HYOU1: variants seen among roughly 807,000 people sequenced by gnomAD.
The protein encoded by HYOU1 is hypoxia up-regulated protein 1.
A neutral mutation model predicts 120.5 loss-of-function variants in HYOU1; 40 were observed. The observed-to-expected ratio is 0.33, with a 90% CI of 0.26 to 0.43. The LOEUF (loss-of-function observed/expected upper bound fraction) is 0.43, where lower values mean the gene tolerates loss of function less well. Among genes scored for constraint, HYOU1 ranks in the 20% least tolerant of loss-of-function variants. The probability of loss-of-function intolerance (pLI) is 1.00; values close to 1 mark genes in which losing one functional copy is unlikely to be tolerated. For synonymous variants in HYOU1, 501 were observed against 479.4 expected (o/e 1.05, Z -0.59); for missense variants, 1,085 against 1,278.3 (o/e 0.85, Z 2.31).
chr11:119,045,084 G>A lies in HYOU1; in HGVS notation c.*509C>T, dbSNP rs867350143. ...GGGAGGCTCAGAGCAAGAGAAGCCCGCAGAGGGAGGAAAGAGCACAGATAG... is the reference window on the plus strand; with the variant it reads ...GGGAGGCTCAGAGCAAGAGAAGCCCACAGAGGGAGGAAAGAGCACAGATAG... On this transcript the variant is annotated 3_prime_UTR_variant, in exon 26 of 26. Transcript: ENST00000617285. 17 of 450,786 alleles carry A rather than the reference G, an allele frequency of 3.8e-5. No individual in the cohort carries two copies. The Middle Eastern group carries it at 1.6e-3, about 43-fold the overall frequency. The allele number at this position is 450,786 out of a possible 1,614,324, so 27.9% of individuals were successfully genotyped here.
intron 21 of HYOU1, 58 bp downstream of exon 21, chr11:119,047,889 T>A: frequency 6.2e-7 from 1 of 1,613,372 alleles, no homozygotes; most frequent in Non-Finnish European, 8.5e-7. Context: ...GGGAAGCTGG[T>A]AGGAATGAAA....
rs1001915569 is a variant in HYOU1 at position 119,044,199 on chromosome 11, A to G, written c.*1394T>C. 3 of 152,066 alleles carry G rather than the reference A, an allele frequency of 2.0e-5. No homozygotes were observed. Among genetic ancestry groups the G allele is most frequent in the African/African-American group, 7.3e-5 (3 of 41,340 alleles). 9.4% of individuals were successfully genotyped at this position (152,066 alleles called of 1,614,324 possible). A position where few individuals can be genotyped will look rare whatever the true frequency, so the allele number is the denominator to read the frequency against. ...CACAGCACAAAAACTGTAGAAAAGA[A>G]TATTTTATTGAAACAGTTTCTCAAT... On this transcript the variant is annotated 3_prime_UTR_variant, in exon 26 of 26. Coordinates refer to ENST00000617285, the MANE Select transcript of HYOU1 (RefSeq NM_006389.5).
chr11:119,048,047 G>GCTTCCTCAGCTCAGCCAGCTTCTC lies in HYOU1; in HGVS notation c.2386_2409dup (p.Glu796_Lys803dup). ...ACCCGAAAAAACAGCCCTTGGCACAGCTTCCTCAGCTCAGCCAGCTTCTCC... is the reference window on the plus strand; with the variant it reads ...ACCCGAAAAAACAGCCCTTGGCACAGCTTCCTCAGCTCAGCCAGCTTCTCCTTCCTCAGCTCAGCCAGCTTCTCC... On this transcript the variant is annotated inframe_insertion, in exon 21 of 26. Transcript: ENST00000617285. This position sits in a 1 kb window ranked among gnomAD's most constrained non-coding sequence, Gnocchi z 4.7. The GCTTCCTCAGCTCAGCCAGCTTCTC allele has an allele frequency of 6.2e-7, 1 of 1,614,212 alleles. No individual in the cohort carries two copies. Among genetic ancestry groups the GCTTCCTCAGCTCAGCCAGCTTCTC allele is most frequent in the Non-Finnish European group, 8.5e-7 (1 of 1,180,038 alleles).
rs2133591993 is a variant in HYOU1 at position 119,052,324 on chromosome 11, G to C, written c.1093C>G (p.Gln365Glu). The C allele has an allele frequency of 6.2e-7, 1 of 1,614,208 alleles. No individual in the cohort carries two copies. Among genetic ancestry groups the C allele is most frequent in the East Asian group, 2.2e-5 (1 of 44,886 alleles). ...CTCATTTCGGCACTCTGGAGGGCCTGCTGTACAGGCCCAGGCACCCGCTCA... is the reference window on the plus strand; with the variant it reads ...CTCATTTCGGCACTCTGGAGGGCCTCCTGTACAGGCCCAGGCACCCGCTCA... The part of the protein sequence containing the change: ...LFERVPGPVQ[Q>E]ALQSAEMSLD... The change falls in exon 10 of 26, where the codon CAG (glutamine) becomes GAG (glutamate). Residue 365 changes from glutamine to glutamate, a missense_variant. Physicochemically the swap from Gln to Glu is conservative, Grantham distance 29 (BLOSUM62 2). Transcript: ENST00000617285. The surrounding 1 kb of genome is among the most constrained non-coding windows in gnomAD (Gnocchi z 5.0).
Position 119,046,443 on chromosome 11 carries a change from A to G in HYOU1, c.2861T>C (p.Ile954Thr). The change falls in exon 24 of 26, where the codon ATT (isoleucine) becomes ACT (threonine). Residue 954 changes from isoleucine (I) to threonine (T), a missense_variant. By Grantham distance (89) the Ile-to-Thr change is moderately conservative (BLOSUM62 -1). Around this residue, in one of 4 missense-constraint regions of HYOU1, gnomAD observed 516 missense variants for 517.1 expected, o/e 1.00. Transcript: ENST00000617285. ...AGTCTCTACTTTCTCAGGTTCTGAA[A>G]TGGGCTCTGCATCTTCAGTCTGGCC... ...PAGQTEDAEP[I>T]SEPEKVETGS... 1.2e-6 allele frequency: 2 copies of G among 1,614,106 alleles called. No individual in the cohort carries two copies.
At position 119,055,583 on chromosome 11, in the gene HYOU1, A is replaced by G; in HGVS notation, c.186-12T>C. ...TCCTCCGAGATTCCCTGAGGAAAAG[A>G]GATTTTGGGCCCAGGTGCCTGCAGC... On this transcript the variant is annotated splice_polypyrimidine_tract_variant and intron_variant, in intron 3 of 25. Coordinates refer to ENST00000617285, the MANE Select transcript of HYOU1 (RefSeq NM_006389.5). The surrounding 1 kb of genome is among the most constrained non-coding windows in gnomAD (Gnocchi z 4.0). 1 of 1,613,166 alleles carries G rather than the reference A, an allele frequency of 6.2e-7. No individual in the cohort carries two copies. The highest frequency in any genetic ancestry group is 8.5e-7 in the Non-Finnish European group (1 of 1,179,146).
intron 8 of HYOU1, chr11:119,053,768 TA>T (rs2133601198): frequency 2.5e-4 from 47 of 184,566 alleles, no homozygotes; most frequent in South Asian, 6.9e-4. Context: ...TCACAGGCCA[TA>T]AAAAAAAATT....
At chr11:119,049,486 C>A in intron 16 of HYOU1, 70 bp downstream of exon 16, 2 of 1,577,920 alleles carry the variant, frequency 1.3e-6, no homozygotes, top group Non-Finnish European at 1.7e-6. Context: ...ACCCTCACCC[C>A]CTTCCTCTGC....
In HYOU1 at chr11:119,051,367, C is replaced by T; in HGVS notation, c.1526+71G>A. 1 of 1,546,000 alleles carries T rather than the reference C, an allele frequency of 6.5e-7. No homozygotes were observed. Among genetic ancestry groups the T allele is most frequent in the Non-Finnish European group, 8.9e-7 (1 of 1,127,818 alleles). On this transcript the variant is annotated intron_variant, in intron 13 of 25. Coordinates refer to ENST00000617285, the MANE Select transcript of HYOU1 (RefSeq NM_006389.5). This position sits in a 1 kb window ranked among gnomAD's most constrained non-coding sequence, Gnocchi z 4.2. Reference sequence around the variant, plus strand: ...GCAGGCCCACATCCTCCCTCACCCCCAGTCCTCAGATTATCCAGCAGCCAC... The same window carrying T: ...GCAGGCCCACATCCTCCCTCACCCCTAGTCCTCAGATTATCCAGCAGCCAC...
In HYOU1 at chr11:119,049,013, C is replaced by T; in HGVS notation, c.1992+5G>A. On this transcript the variant is annotated splice_donor_5th_base_variant and intron_variant, in intron 17 of 25. Transcript: ENST00000617285. ...CCACACTGGCCTTCCTCTGCCACAG[C>T]TCACCTGGGCCTCAGACTTGTCCCC... 1 of 1,613,974 alleles carries T rather than the reference C, an allele frequency of 6.2e-7. No individual in the cohort carries two copies.
Position 119,048,619 on chromosome 11 carries a change from T to C in HYOU1, c.2166-56A>G, listed in dbSNP as rs1944229799. 1.2e-6 allele frequency: 2 copies of C among 1,609,630 alleles called. No individual in the cohort carries two copies. The highest frequency in any genetic ancestry group is 1.7e-6 in the Non-Finnish European group (2 of 1,177,182). On this transcript the variant is annotated intron_variant, in intron 18 of 25. Transcript: ENST00000617285. The surrounding 1 kb of genome is among the most constrained non-coding windows in gnomAD (Gnocchi z 4.7). ...GAGAGGGCAAGTGAGAACTTGAGAC[T>C]CTGGGTCCGACAGCCCTCCCTCCCA...
Position 119,049,163 on chromosome 11 carries a change from G to C in HYOU1, c.1847C>G (p.Pro616Arg). ...ESPAEGSKDEPGEQVELKEEA... is the reference protein window; with the variant it reads ...ESPAEGSKDERGEQVELKEEA... Reference sequence around the variant, plus strand: ...CTCCTTGAGCTCCACCTGCTCCCCAGGCTCGTCCTTGCTCCCCTCTGCAGG... The same window carrying C: ...CTCCTTGAGCTCCACCTGCTCCCCACGCTCGTCCTTGCTCCCCTCTGCAGG... The change falls in exon 17 of 26, where the codon CCT becomes CGT. Residue 616 changes from proline (P) to arginine (R), a missense_variant. Pro to Arg is a moderately radical substitution (Grantham distance 103, BLOSUM62 -2). Transcript: ENST00000617285. 2 of 1,611,482 alleles carry C rather than the reference G, an allele frequency of 1.2e-6. No homozygotes were observed. Among genetic ancestry groups the C allele is most frequent in the Non-Finnish European group, 1.7e-6 (2 of 1,178,636 alleles).
intron 24 of HYOU1, 76 bp from the exon 25 acceptor site, chr11:119,045,907 T>A (rs115100941): frequency 5.7e-6 from 8 of 1,412,516 alleles, no homozygotes; most frequent in Non-Finnish European, 7.9e-6. Context: ...AGTTTTTCCA[T>A]GAAGAGCCAG....
At chr11:119,049,976 G>T in intron 14 of HYOU1, 139 bp from the exon 15 acceptor site, 1 of 770,942 alleles carries the variant, frequency 1.3e-6, no homozygotes. Flanking sequence ...CTAAGGACTT[G>T]GAGGTGGCTG....
Position 119,046,546 on chromosome 11 carries a change from G to A in HYOU1, c.2836+16C>T, listed in dbSNP as rs2133550803. ...CCCTGTCCAGCAGAACATGCAGCCAGGTACCCTGTTCTCACCTGCTGGAGG... is the reference window on the plus strand; with the variant it reads ...CCCTGTCCAGCAGAACATGCAGCCAAGTACCCTGTTCTCACCTGCTGGAGG... On this transcript the variant is annotated intron_variant, in intron 23 of 25. Coordinates refer to ENST00000617285, the MANE Select transcript of HYOU1 (RefSeq NM_006389.5). 3.1e-6 allele frequency: 5 copies of A among 1,613,864 alleles called. No individual in the cohort carries two copies. The highest frequency in any genetic ancestry group is 2.2e-5 in the South Asian group (2 of 91,072).
rs2133566228 is a variant in HYOU1, at chr11:119,048,671, T to C, written c.2165+43A>G. 1.2e-6 allele frequency: 2 copies of C among 1,605,836 alleles called. No individual in the cohort carries two copies. The highest frequency in any genetic ancestry group is 1.3e-5 in the African/African-American group (1 of 74,872). ...GGCGCCATCCCACATCCTGCCCACC[T>C]TGCACACACATGTACACACACACAC... On this transcript the variant is annotated intron_variant, in intron 18 of 25. Coordinates refer to ENST00000617285, the MANE Select transcript of HYOU1 (RefSeq NM_006389.5). This position sits in a 1 kb window ranked among gnomAD's most constrained non-coding sequence, Gnocchi z 4.7.
In HYOU1 at chr11:119,050,719, C is replaced by CAAAAAAAAAAAAAAAAAAAAAAA; in HGVS notation, c.1665+315_1665+316insTTTTTTTTTTTTTTTTTTTTTTT. 3.8e-5 allele frequency among the ~76,000 whole-genome samples: 2 copies of CAAAAAAAAAAAAAAAAAAAAAAA among 52,868 alleles called. 1 individual carries two copies. The highest frequency in any genetic ancestry group is 7.4e-5 in the Non-Finnish European group (2 of 26,900). 34.7% of individuals were successfully genotyped at this position (52,868 alleles called of 152,430 possible). A position where few individuals can be genotyped will look rare whatever the true frequency, so the allele number is the denominator to read the frequency against. ...TTAAGTAACAGAGCCAAGACCCTCT[C>CAAAAAAAAAAAAAAAAAAAAAAA]CAAAAAAAAAAAAAAAAAAAAAAAA... is the stretch of plus-strand genomic sequence containing the variant. On this transcript the variant is annotated intron_variant, in intron 14 of 25. Transcript: ENST00000617285.
rs2133553049 is a variant in HYOU1 at position 119,046,748 on chromosome 11, G to T, written c.2650C>A (p.Pro884Thr). 5 of 1,606,226 alleles carry T rather than the reference G, an allele frequency of 3.1e-6. No homozygotes were observed. The highest frequency in any genetic ancestry group is 2.7e-5 in the African/African-American group (2 of 74,930). Reference protein sequence around the residue: ...EQAKLPATEKPVLLSKDIEAK... With the variant: ...EQAKLPATEKTVLLSKDIEAK... ...TCAATGTCTTTTGAGAGCAACACAG[G>T]CTTCTCTGTGGCGGGCAGCTTAGCC... Residue 884 changes from proline (P) to threonine (T), a missense_variant, in exon 23 of 26, where the codon CCT becomes ACT. Pro to Thr is a conservative substitution (Grantham distance 38). Around this residue, in one of 4 missense-constraint regions of HYOU1, gnomAD observed 516 missense variants for 517.1 expected, o/e 1.00. Coordinates refer to ENST00000617285, the MANE Select transcript of HYOU1 (RefSeq NM_006389.5).
In HYOU1 at chr11:119,046,353, C is replaced by A. The variant is rs1347252203; in HGVS notation, c.2887+64G>T. On this transcript the variant is annotated intron_variant, in intron 24 of 25. Transcript: ENST00000617285. ...GCTGTCTAGAAACAGGCTGTGCCTG[C>A]CAGTTTGCCTACCCCTGGGCTAATG... is the stretch of plus-strand genomic sequence containing the variant. 1.0e-5 allele frequency: 15 copies of A among 1,490,964 alleles called. No homozygotes were observed. In the African/African-American group the frequency reaches 1.2e-4, roughly 12 times the overall value. 92.4% of individuals were successfully genotyped at this position (1,490,964 alleles called of 1,614,324 possible).
Sources: allele counts gnomAD v4.1 joint callset (sites outside exome capture counted in the v4.1 genomes callset), GRCh38; gene constraint gnomAD v4.1.1; regional missense constraint gnomAD v4.1.1; non-coding constraint Gnocchi (gnomAD v3.1); transcripts MANE v1.5; gene names NCBI Gene and HGNC (gene_info 2026-07-23, HGNC 2026-07-21).